The following ERP44 variants were observed in gnomAD, a reference collection of about 807,000 sequenced individuals.
ERP44 encodes the protein endoplasmic reticulum resident protein 44.
In ERP44, 25 loss-of-function variants were observed where a neutral mutation model predicts 53.4. That is an observed-to-expected ratio of 0.47 (90% CI 0.34 to 0.65). The LOEUF is 0.65. ERP44 is among the 30% of genes least tolerant of loss of function. The pLI is 0.01. For missense variants in ERP44, 338 were observed against 493.2 expected (o/e 0.69, Z 2.98); for synonymous variants, 145 against 161.2 (o/e 0.90, Z 0.76).
chr9:100,068,799 GCTCA>G (rs1178000109), intron 1 of ERP44, among the ~76,000 whole-genome samples: 1 of 152,196 alleles, frequency 6.6e-6, no homozygotes, highest in Non-Finnish European at 1.5e-5. Context: ...GTACCCAACA[GCTCA>G]CTGAGAACGG....
intron 1 of ERP44, 80 bp downstream of exon 1, chr9:100,098,704 A>G: frequency 1.7e-6 from 2 of 1,144,084 alleles, no homozygotes; most frequent in African/African-American, 1.5e-5. Context: ...AAGCAGGGGC[A>G]GGAGTAGCAG....
At position 100,092,411 on chromosome 9, in the gene ERP44, G is replaced by A. The variant is rs74667102; in HGVS notation, c.57+6373C>T. 2.8e-3 allele frequency among the ~76,000 whole-genome samples: 422 copies of A among 152,256 alleles called. 2 individuals are homozygous for A. The highest frequency in any genetic ancestry group is 5.1e-3 in the Non-Finnish European group (345 of 67,998). ...CTTTTGTAGTCTATCTTGAAAATAA[G>A]ATAGACTACACAAAGAATCATTGAA... On this transcript the variant is annotated intron_variant, in intron 1 of 11. Transcript: ENST00000262455.
intron 10 of ERP44, among the ~76,000 whole-genome samples, chr9:99,987,243 CATT>C (rs1217418166): frequency 6.6e-6 from 1 of 152,126 alleles, no homozygotes. Context: ...AACTATCCAT[CATT>C]ATTAAGAAGT....
At chr9:100,042,669 T>A (rs1825918590) in intron 4 of ERP44, among the ~76,000 whole-genome samples, 1 of 152,152 alleles carries the variant, frequency 6.6e-6, no homozygotes, top group Non-Finnish European at 1.5e-5. Flanking sequence ...AAGTGTCCAT[T>A]GACAAACAAA....
At chr9:100,034,037 A>G (rs1359189978) in intron 4 of ERP44, among the ~76,000 whole-genome samples, 2 of 152,178 alleles carry the variant, frequency 1.3e-5, no homozygotes, top group Non-Finnish European at 2.9e-5. Flanking sequence ...AGAGGCGTTC[A>G]AACCAGAGTG....
At chr9:100,068,226 G>A (rs1467346627) in intron 1 of ERP44, among the ~76,000 whole-genome samples, 8 of 147,748 alleles carry the variant, frequency 5.4e-5, no homozygotes, top group Admixed American at 4.0e-4. Context: ...CCCTGCGCCC[G>A]GCCAGCCGCC....
intron 3 of ERP44, among the ~76,000 whole-genome samples, chr9:100,057,122 T>C (rs1436015305): frequency 2.0e-5 from 3 of 152,180 alleles, no homozygotes; most frequent in Non-Finnish European, 4.4e-5. Flanking sequence ...CAGTAGGTAG[T>C]AAGCCTTAAA....
At chr9:100,012,031 A>G (rs1157322896) in intron 8 of ERP44, among the ~76,000 whole-genome samples, 1 of 152,184 alleles carries the variant, frequency 6.6e-6, no homozygotes, top group Non-Finnish European at 1.5e-5. Context: ...CAAATTAGAA[A>G]TACTCCCCGA....
At chr9:99,983,389 C>CAA (rs1830167050) in intron 11 of ERP44, among the ~76,000 whole-genome samples, 2 of 151,278 alleles carry the variant, frequency 1.3e-5, no homozygotes, top group South Asian at 4.2e-4. Context: ...ACTAAAAATA[C>CAA]AAAAAATTAG....
chr9:100,056,344 C>G (rs779689085), intron 3 of ERP44, among the ~76,000 whole-genome samples: 1 of 152,190 alleles, frequency 6.6e-6, no homozygotes, highest in African/African-American at 2.4e-5. Context: ...CTCTGTGTAT[C>G]TTCAACTTTT....
intron 8 of ERP44, 61 bp from the exon 9 acceptor site, chr9:100,007,750 C>G (rs1187850126): frequency 1.1e-6 from 1 of 937,244 alleles, no homozygotes; most frequent in Non-Finnish European, 1.7e-6. Context: ...TAGCTATTTT[C>G]TAGGTAGGAA....
chr9:100,013,284 G>A (rs1479397098), intron 8 of ERP44, among the ~76,000 whole-genome samples: 3 of 151,984 alleles, frequency 2.0e-5, no homozygotes, highest in African/African-American at 7.2e-5. Flanking sequence ...ATTACAATTA[G>A]GTTAAGCTAT....
At chr9:100,002,486 A>G (rs1370612798) in intron 10 of ERP44, among the ~76,000 whole-genome samples, 3 of 152,188 alleles carry the variant, frequency 2.0e-5, no homozygotes, top group Non-Finnish European at 1.5e-5. Flanking sequence ...CATCTGGGAA[A>G]GTCTTTAGCT....
intron 1 of ERP44, among the ~76,000 whole-genome samples, chr9:100,069,164 AG>A (rs1826271367): frequency 6.6e-6 from 1 of 152,034 alleles, no homozygotes; most frequent in Non-Finnish European, 1.5e-5. Context: ...GGAAGGCCGC[AG>A]GGTCCTCTGC....
intron 4 of ERP44, among the ~76,000 whole-genome samples, chr9:100,047,966 C>T (rs1241560336): frequency 6.6e-6 from 1 of 152,038 alleles, no homozygotes; most frequent in Non-Finnish European, 1.5e-5. Flanking sequence ...ATACAAATGA[C>T]CAATAAGCAT....
chr9:100,070,577 C>A (rs576684641), intron 1 of ERP44, among the ~76,000 whole-genome samples: 42 of 152,338 alleles, frequency 2.8e-4, no homozygotes, highest in Admixed American at 8.5e-4. Flanking sequence ...CACACTGTTA[C>A]TGAACAATCT....
At chr9:100,088,168 AAAAAT>A (rs1291252110) in intron 1 of ERP44, among the ~76,000 whole-genome samples, 1 of 152,236 alleles carries the variant, frequency 6.6e-6, no homozygotes, top group Non-Finnish European at 1.5e-5. Flanking sequence ...GCAATTTTTA[AAAAAT>A]AAAATAAAGC....
Position 99,981,856 on chromosome 9 carries a change from T to C in ERP44, c.*756A>G, listed in dbSNP as rs528915191. ...AGCCTTAAAAGTCATCTAGTTCTGA[T>C]TGGTAGCCTGTTCCACTGTCACCTC... On this transcript the variant is annotated 3_prime_UTR_variant, in exon 12 of 12. Coordinates refer to ENST00000262455, the MANE Select transcript of ERP44 (RefSeq NM_015051.3). The C allele has an allele frequency of 7.9e-5, 12 of 152,356 alleles. No homozygotes were observed. The highest frequency in any genetic ancestry group is 2.2e-4 in the African/African-American group (9 of 41,588). 9.4% of individuals were successfully genotyped at this position (152,356 alleles called of 1,614,324 possible). A position where few individuals can be genotyped will look rare whatever the true frequency, so the allele number is the denominator to read the frequency against.
intron 4 of ERP44, among the ~76,000 whole-genome samples, chr9:100,027,040 A>G (rs1830660900): frequency 6.6e-6 from 1 of 152,176 alleles, no homozygotes; most frequent in Non-Finnish European, 1.5e-5. Flanking sequence ...GAGTAGAATA[A>G]ATAAGGTTAG....
Sources: allele counts gnomAD v4.1 joint callset (sites outside exome capture counted in the v4.1 genomes callset), GRCh38; gene constraint gnomAD v4.1.1; transcripts MANE v1.5; gene names NCBI Gene and HGNC (gene_info 2026-07-23, HGNC 2026-07-21).